The following LATS1 variants were observed in gnomAD, a reference collection of about 807,000 sequenced individuals.
LATS1 encodes large tumor suppressor kinase 1.
A neutral mutation model predicts 106.6 loss-of-function variants in LATS1; 25 were observed. The ratio of observed to expected loss-of-function variants is 0.23; its 90% CI spans 0.17 to 0.33. LATS1 has a LOEUF of 0.33. Among genes scored for constraint, LATS1 ranks in the 10% least tolerant of loss-of-function variants. LATS1 has a pLI of 1.00. For synonymous variants in LATS1, 465 were observed against 455.6 expected (o/e 1.02, Z -0.26); for missense variants, 1,040 against 1,382.6 (o/e 0.75, Z 3.93).
chr6:149,684,081 G>A lies in LATS1; in HGVS notation c.1008C>T (p.Ser336=), dbSNP rs1262690128. The change falls in exon 4 of 8, where the codon AGC becomes AGT. Residue 336 remains serine (S), a synonymous_variant. Coordinates refer to ENST00000543571, the MANE Select transcript of LATS1 (RefSeq NM_004690.4). ...GRQPIIMQSS[S]KFNFPSGRPG... The stretch of plus-strand genomic sequence containing the variant: ...GTCTCCCTGATGGAAAGTTAAATTT[G>A]CTAGAACTCTGCATGATGATTGGTT... 6.2e-7 allele frequency: 1 copy of A among 1,614,186 alleles called. No individual in the cohort carries two copies. The highest frequency in any genetic ancestry group is 1.6e-4 in the Middle Eastern group (1 of 6,062).
In LATS1 at chr6:149,701,824, A is replaced by C. The variant is rs756740109; in HGVS notation, c.303T>G (p.Val101=). ...ETNSSRSTSE[V]NPQMLQDLQA... ...GCAAGTCTTGAAGCATTTGTGGATT[A>C]ACTTCTGAAGTACTCCGAGAAGAAT... The change falls in exon 2 of 8, where the codon GTT becomes GTG. Residue 101 remains valine, a synonymous_variant. Coordinates refer to ENST00000543571, the MANE Select transcript of LATS1 (RefSeq NM_004690.4). The C allele has an allele frequency of 9.3e-6, 15 of 1,614,020 alleles. No homozygotes were observed. In the East Asian group the frequency reaches 1.1e-4, roughly 12 times the overall value.
Position 149,665,371 on chromosome 6 carries a change from T to C in LATS1, c.2884-3133A>G, listed in dbSNP as rs150811482. The stretch of plus-strand genomic sequence containing the variant: ...AGTGAGACAATATCTCATAAATATA[T>C]AAATTAATAAAGCATGGGGTCCCAA... On this transcript the variant is annotated intron_variant, in intron 7 of 7. Transcript: ENST00000543571. Among the ~76,000 whole-genome samples, 3 of 152,144 alleles carry C rather than the reference T, an allele frequency of 2.0e-5. No homozygotes were observed. In the East Asian group the frequency reaches 5.8e-4, roughly 29 times the overall value.
At chr6:149,676,390 A>AT (rs1781725422) in intron 6 of LATS1, 24 bp from the exon 7 acceptor site, 1 of 1,520,182 alleles carries the variant, frequency 6.6e-7, no homozygotes, top group African/African-American at 1.4e-5. Context: ...GTTATTTATA[A>AT]GCACTTTAAA....
intron 1 of LATS1, among the ~76,000 whole-genome samples, chr6:149,702,913 T>A (rs1220108082): frequency 6.6e-6 from 1 of 151,114 alleles, no homozygotes. Flanking sequence ...GACCTCATGA[T>A]CCACCCACCT....
intron 4 of LATS1, among the ~76,000 whole-genome samples, chr6:149,682,436 C>T (rs573924160): frequency 4.4e-5 from 6 of 137,286 alleles, no homozygotes; most frequent in African/African-American, 1.1e-4. Context: ...TTTTTTGAGA[C>T]GGAGTCTCAC....
In LATS1 at chr6:149,684,417, A is replaced by C; in HGVS notation, c.672T>G (p.Val224=). The change falls in exon 4 of 8, where the codon GTT becomes GTG. Residue 224 remains valine (V), a synonymous_variant. Transcript: ENST00000543571. ...TCTGTCCGTTGCTAGGGTGAGCTTG[A>C]ACAAATGCTGATATACCAGATCCAG... ...PLSGSGISAF[V]QAHPSNGQRV... 6.2e-7 allele frequency: 1 copy of C among 1,613,988 alleles called. No homozygotes were observed. Among genetic ancestry groups the C allele is most frequent in the Non-Finnish European group, 8.5e-7 (1 of 1,179,992 alleles).
intron 7 of LATS1, among the ~76,000 whole-genome samples, chr6:149,668,609 T>A (rs1463931308): frequency 2.2e-5 from 1 of 45,558 alleles, no homozygotes; most frequent in Non-Finnish European, 3.7e-5. Context: ...TGCCCAGCTA[T>A]TTTTTTTTTT....
At chr6:149,665,554 G>A (rs1781094497) in intron 7 of LATS1, among the ~76,000 whole-genome samples, 1 of 152,146 alleles carries the variant, frequency 6.6e-6, no homozygotes, top group East Asian at 1.9e-4. Flanking sequence ...GAACAGGAAA[G>A]TACTGGGGAC....
chr6:149,667,718 C>T (rs1362545653), intron 7 of LATS1, among the ~76,000 whole-genome samples: 4 of 152,048 alleles, frequency 2.6e-5, no homozygotes, highest in Admixed American at 6.5e-5. Flanking sequence ...GAATACCAAA[C>T]GGAATAAAGC....
chr6:149,712,540 A>G (rs2115021895), intron 1 of LATS1, among the ~76,000 whole-genome samples: 1 of 151,968 alleles, frequency 6.6e-6, no homozygotes, highest in Non-Finnish European at 1.5e-5. Context: ...AATAGAGATG[A>G]GGGTCTCGCT....
chr6:149,709,664 T>TTA (rs1783980169), intron 1 of LATS1, among the ~76,000 whole-genome samples: 2 of 143,694 alleles, frequency 1.4e-5, no homozygotes, highest in African/African-American at 2.5e-5. Context: ...CCACAACCCC[T>TTA]TATCTTTTTT....
chr6:149,667,919 T>A (rs1781244913), intron 7 of LATS1, among the ~76,000 whole-genome samples: 1 of 152,234 alleles, frequency 6.6e-6, no homozygotes, highest in African/African-American at 2.4e-5. Context: ...TTGTATCAAG[T>A]GATAATACAT....
At chr6:149,688,076 C>T (rs560465026) in intron 3 of LATS1, among the ~76,000 whole-genome samples, 44 of 150,318 alleles carry the variant, frequency 2.9e-4, no homozygotes, top group Admixed American at 2.3e-3. Context: ...AGGGTTTCAC[C>T]GTGTTAGCCA....
intron 1 of LATS1, chr6:149,717,475 T>C (rs951532034): frequency 2.6e-5 from 4 of 152,750 alleles, no homozygotes; most frequent in African/African-American, 7.2e-5. Context: ...CTGTAGCTCT[T>C]TTACTGCAAT....
rs948141911 is a variant in LATS1, at chr6:149,658,564, A to T, written c.*3165T>A. ...TGTTTATTAAAAATTTTTTATCTAAAATACCTTGGGTAACAGCAGCAGCAA... is the reference window on the plus strand; with the variant it reads ...TGTTTATTAAAAATTTTTTATCTAATATACCTTGGGTAACAGCAGCAGCAA... On this transcript the variant is annotated 3_prime_UTR_variant, in exon 8 of 8. Coordinates refer to ENST00000543571, the MANE Select transcript of LATS1 (RefSeq NM_004690.4). The T allele has an allele frequency of 8.5e-5, 13 of 152,200 alleles. No homozygotes were observed. The highest frequency in any genetic ancestry group is 3.1e-4 in the African/African-American group (13 of 41,466). 9.4% of individuals were successfully genotyped at this position (152,200 alleles called of 1,614,324 possible). A position where few individuals can be genotyped will look rare whatever the true frequency, so the allele number is the denominator to read the frequency against.
chr6:149,664,942 T>C (rs1201365356), intron 7 of LATS1, among the ~76,000 whole-genome samples: 1 of 152,098 alleles, frequency 6.6e-6, no homozygotes, highest in Non-Finnish European at 1.5e-5. Context: ...TCTAGGAGAA[T>C]TCCCTCTAGT....
chr6:149,694,937 T>C (rs1782974495), intron 3 of LATS1, 137 bp downstream of exon 3: 1 of 692,506 alleles, frequency 1.4e-6, no homozygotes, highest in Non-Finnish European at 2.3e-6. Flanking sequence ...TATAACATTA[T>C]AATGTTATCT....
At chr6:149,709,482 C>T (rs577297151) in intron 1 of LATS1, among the ~76,000 whole-genome samples, 158 of 152,234 alleles carry the variant, frequency 1.0e-3, no homozygotes, top group African/African-American at 3.0e-3. Flanking sequence ...GGCCTTTTGC[C>T]TGATCCAGGA....
At chr6:149,683,057 TG>T in intron 4 of LATS1, 21 bp downstream of exon 4, 1 of 1,573,950 alleles carries the variant, frequency 6.4e-7, no homozygotes. Flanking sequence ...AGTATAAAAA[TG>T]GACATTTTAA....
Sources: gnomAD v4.1 joint callset for allele counts (sites outside exome capture counted in the v4.1 genomes callset) on GRCh38, gnomAD v4.1.1 for gene constraint, MANE v1.5 for transcripts, NCBI Gene and HGNC (gene_info 2026-07-23, HGNC 2026-07-21) for gene names.